SIPA1L1: variants seen among roughly 807,000 people sequenced by gnomAD.
SIPA1L1 encodes the protein signal induced proliferation associated 1 like 1, also known as signal-induced proliferation-associated 1-like protein 1.
Under a neutral mutation model 162.7 loss-of-function variants are expected in SIPA1L1, and 26 were observed. The observed-to-expected ratio is 0.16, with a 90% CI of 0.12 to 0.22. The LOEUF is 0.22. Ranked by LOEUF, SIPA1L1 falls within the 10% of genes least tolerant of loss-of-function variation. SIPA1L1 has a pLI of 1.00. For synonymous variants in SIPA1L1, 829 were observed against 837.4 expected, an observed-to-expected ratio of 0.99 and a Z score of 0.17; for missense variants, 1,874 against 2,241.0, an observed-to-expected ratio of 0.84 and a Z score of 3.31.
chr14:71,622,339 A>G (rs2039537903), intron 6 of SIPA1L1, among the ~76,000 whole-genome samples: 1 of 152,174 alleles, frequency 6.6e-6, no homozygotes, highest in African/African-American at 2.4e-5. Context: ...ACTTATGAGG[A>G]CTCCATTCTT....
chr14:71,539,814 A>G (rs2054222791), intron 4 of SIPA1L1, among the ~76,000 whole-genome samples: 1 of 152,260 alleles, frequency 6.6e-6, no homozygotes, highest in East Asian at 1.9e-4. Flanking sequence ...AGAGTTGGGG[A>G]GGGGGGCATT....
At chr14:71,576,546 G>A (rs1258173578) in intron 4 of SIPA1L1, 1 of 152,240 alleles carries the variant, frequency 6.6e-6, no homozygotes, top group East Asian at 1.9e-4. Flanking sequence ...TGGACTTACA[G>A]TTTCTGGCTA....
chr14:71,520,241 A>T (rs766185969), intron 3 of SIPA1L1, among the ~76,000 whole-genome samples: 3 of 152,242 alleles, frequency 2.0e-5, no homozygotes, highest in Non-Finnish European at 2.9e-5. Context: ...AGAATAAATT[A>T]CAGTGGTGGA....
chr14:71,561,611 TTCATTCACTCTTGTTGCCCAGGC>T (rs2056797707), intron 4 of SIPA1L1, among the ~76,000 whole-genome samples: 1 of 152,216 alleles, frequency 6.6e-6, no homozygotes, highest in South Asian at 2.1e-4. Context: ...GAGATGGAGT[TTCATTCACTCTTGTTGCCCAGGC>T]TGGAGTGCAA....
chr14:71,394,445 A>G (rs1040482574), intron 2 of SIPA1L1, among the ~76,000 whole-genome samples: 4 of 152,232 alleles, frequency 2.6e-5, no homozygotes, highest in Admixed American at 1.3e-4. Flanking sequence ...ATTATTCTCT[A>G]GACTTGATGA....
At chr14:71,399,027 A>C (rs892199545) in intron 2 of SIPA1L1, among the ~76,000 whole-genome samples, 1 of 152,156 alleles carries the variant, frequency 6.6e-6, no homozygotes, top group African/African-American at 2.4e-5. Flanking sequence ...GAGGGTGGAG[A>C]TAGATCTCAG....
intron 5 of SIPA1L1, among the ~76,000 whole-genome samples, chr14:71,617,481 A>C (rs576188368): frequency 6.6e-6 from 1 of 152,226 alleles, no homozygotes; most frequent in South Asian, 2.1e-4. Context: ...TTGTATTCCC[A>C]TTGTGTTTTT....
rs751825323 is a variant in SIPA1L1 at position 71,587,980 on chromosome 14, G to T, written c.108G>T (p.Met36Ile). The change falls in exon 5 of 24, where the codon ATG becomes ATT. Residue 36 changes from methionine to isoleucine, a missense_variant. Around this residue, in one of 5 missense-constraint regions of SIPA1L1, gnomAD observed 685 missense variants for 828.0 expected, o/e 0.83. Transcript: ENST00000381232. ...AAGTCCACACTGATGATTTCTACAT[G>T]CGGCGCTTCCGGTCCCAAAATGGCA... ...TPKVHTDDFY[M>I]RRFRSQNGSL... The T allele has an allele frequency of 2.5e-6, 4 of 1,614,096 alleles. No individual in the cohort carries two copies. The Admixed American group carries it at 6.7e-5, about 27-fold the overall frequency.
chr14:71,575,678 G>A (rs1017473693), intron 4 of SIPA1L1, among the ~76,000 whole-genome samples: 8 of 152,114 alleles, frequency 5.3e-5, no homozygotes, highest in African/African-American at 9.7e-5. Flanking sequence ...TTAAATAGTC[G>A]ATTCTATTGT....
chr14:71,708,553 G>A (rs1416174741), intron 16 of SIPA1L1, among the ~76,000 whole-genome samples: 1 of 152,126 alleles, frequency 6.6e-6, no homozygotes, highest in Non-Finnish European at 1.5e-5. Context: ...TTGAACTCCT[G>A]AGCTGAAGCA....
chr14:71,484,275 C>CTT (rs779789523), intron 2 of SIPA1L1, among the ~76,000 whole-genome samples: 6 of 119,082 alleles, frequency 5.0e-5, no homozygotes, highest in Non-Finnish European at 1.1e-4. Flanking sequence ...AGTTGGACAG[C>CTT]TTTTTTTTTT....
chr14:71,577,412 C>A (rs867131572), intron 4 of SIPA1L1, among the ~76,000 whole-genome samples: 1 of 151,332 alleles, frequency 6.6e-6, no homozygotes. Flanking sequence ...AATCTCACTC[C>A]GTTGCCCAGG....
intron 2 of SIPA1L1, among the ~76,000 whole-genome samples, chr14:71,388,000 C>G (rs1308325274): frequency 6.6e-6 from 1 of 152,216 alleles, no homozygotes; most frequent in African/African-American, 2.4e-5. Context: ...AAAGCCAAGA[C>G]AGATCACTCT....
In SIPA1L1 at chr14:71,709,676, T is replaced by C. The variant is rs372673210; in HGVS notation, c.4208+12T>C. The C allele has an allele frequency of 4.4e-6, 7 of 1,599,728 alleles. No individual in the cohort carries two copies. The African/African-American group carries it at 9.4e-5, about 21-fold the overall frequency. ...GCTTCCCACACAAGGTAACCACCCT[T>C]CCCCGCTGTCTGATTCCCAGCCCAG... is the stretch of plus-strand genomic sequence containing the variant. On this transcript the variant is annotated intron_variant, in intron 17 of 23. Transcript: ENST00000381232.
chr14:71,342,902 T>C (rs954743435), intron 2 of SIPA1L1, among the ~76,000 whole-genome samples: 10 of 152,206 alleles, frequency 6.6e-5, no homozygotes, highest in African/African-American at 2.4e-4. Flanking sequence ...TTATTTAATC[T>C]CCTAAGAACG....
intron 2 of SIPA1L1, among the ~76,000 whole-genome samples, chr14:71,360,442 C>T (rs1043775570): frequency 2.0e-5 from 3 of 152,120 alleles, no homozygotes; most frequent in Admixed American, 6.5e-5. Flanking sequence ...AGCTAGTTAA[C>T]GGCAGAGTTG....
intron 2 of SIPA1L1, among the ~76,000 whole-genome samples, chr14:71,488,602 G>T (rs1296085159): frequency 6.6e-6 from 1 of 152,188 alleles, no homozygotes; most frequent in African/African-American, 2.4e-5. Flanking sequence ...TTATCTCTAA[G>T]AGATGTTGTA....
chr14:71,567,887 T>C (rs2031059991), intron 4 of SIPA1L1, among the ~76,000 whole-genome samples: 1 of 152,232 alleles, frequency 6.6e-6, no homozygotes, highest in Admixed American at 6.5e-5. Flanking sequence ...GTTCCTCCCC[T>C]TTTTAGACCA....
At chr14:71,639,022 A>G (rs187912844) in intron 7 of SIPA1L1, among the ~76,000 whole-genome samples, 591 of 152,370 alleles carry the variant, frequency 3.9e-3, no homozygotes, top group Middle Eastern at 0.01. Flanking sequence ...GTGAGATGTC[A>G]TCTAAAAACA....
Sources: allele counts gnomAD v4.1 joint callset (sites outside exome capture counted in the v4.1 genomes callset), GRCh38; gene constraint gnomAD v4.1.1; regional missense constraint gnomAD v4.1.1; transcripts MANE v1.5; gene names NCBI Gene and HGNC (gene_info 2026-07-23, HGNC 2026-07-21).